ASTN2: variants seen among roughly 807,000 people sequenced by gnomAD.
The protein encoded by ASTN2 is astrotactin 2.
In ASTN2, 54 loss-of-function variants were observed where a neutral mutation model predicts 139.8. The observed-to-expected ratio is 0.39, with a 90% CI of 0.31 to 0.48. The LOEUF (loss-of-function observed/expected upper bound fraction) is 0.48. Among genes scored for constraint, ASTN2 ranks in the 20% least tolerant of loss-of-function variants. The probability of loss-of-function intolerance (pLI) is 0.95; values close to 1 mark genes in which losing one functional copy is unlikely to be tolerated. For missense variants in ASTN2, 1,565 were observed against 1,725.1 expected (o/e 0.91, Z 1.64); for synonymous variants, 756 against 719.5 (o/e 1.05, Z -0.81).
chr9:116,946,668 G>A (rs1470908833), intron 10 of ASTN2, among the ~76,000 whole-genome samples: 10 of 152,032 alleles, frequency 6.6e-5, no homozygotes, highest in Admixed American at 5.2e-4. Flanking sequence ...TGTCTACTCC[G>A]GGAGTGTTTT....
At chr9:116,543,125 C>A (rs1351251786) in intron 19 of ASTN2, among the ~76,000 whole-genome samples, 1 of 151,460 alleles carries the variant, frequency 6.6e-6, no homozygotes, top group Non-Finnish European at 1.5e-5. Flanking sequence ...GTTGTTTTTG[C>A]ATGCATAGAA....
At chr9:117,247,436 G>A (rs1833413546) in intron 2 of ASTN2, among the ~76,000 whole-genome samples, 1 of 152,130 alleles carries the variant, frequency 6.6e-6, no homozygotes, top group African/African-American at 2.4e-5. Context: ...TCTGGGAGTG[G>A]TGTGTCCCCA....
At chr9:116,666,523 T>G (rs1858871850) in intron 16 of ASTN2, among the ~76,000 whole-genome samples, 1 of 152,212 alleles carries the variant, frequency 6.6e-6, no homozygotes. Flanking sequence ...AACTTAGAAT[T>G]ATGATAGACT....
chr9:117,244,203 A>G (rs1223142639), intron 2 of ASTN2, among the ~76,000 whole-genome samples: 1 of 152,152 alleles, frequency 6.6e-6, no homozygotes, highest in Non-Finnish European at 1.5e-5. Flanking sequence ...TTGTGAGTCA[A>G]TTAAAATTCC....
At chr9:117,056,273 A>G (rs184746289) in intron 5 of ASTN2, among the ~76,000 whole-genome samples, 1 of 152,360 alleles carries the variant, frequency 6.6e-6, no homozygotes, top group East Asian at 1.9e-4. Context: ...CTTACACAGC[A>G]ATAGATAACT....
chr9:117,140,580 G>A (rs543787000), intron 4 of ASTN2, among the ~76,000 whole-genome samples: 1 of 151,678 alleles, frequency 6.6e-6, no homozygotes, highest in East Asian at 1.9e-4. Flanking sequence ...AGTAGGAGGA[G>A]ATGAAGATGA....
intron 3 of ASTN2, among the ~76,000 whole-genome samples, chr9:117,145,677 C>G (rs1830178268): frequency 6.6e-6 from 1 of 152,102 alleles, no homozygotes; most frequent in Non-Finnish European, 1.5e-5. Context: ...GTCCTGGTAC[C>G]TTGAAATTCC....
intron 4 of ASTN2, among the ~76,000 whole-genome samples, chr9:117,138,742 T>C (rs922270351): frequency 8.5e-5 from 13 of 152,224 alleles, no homozygotes; most frequent in African/African-American, 2.4e-4. Flanking sequence ...AATAAATTTC[T>C]TCATGCATAG....
At chr9:116,496,555 G>A (rs1849675894) in intron 19 of ASTN2, among the ~76,000 whole-genome samples, 2 of 152,182 alleles carry the variant, frequency 1.3e-5, no homozygotes, top group South Asian at 4.1e-4. Context: ...CTTTTAAGGA[G>A]GGAACAAGAT....
intron 12 of ASTN2, among the ~76,000 whole-genome samples, chr9:116,815,757 A>C (rs912402909): frequency 8.0e-4 from 106 of 132,854 alleles, no homozygotes; most frequent in Middle Eastern, 4.7e-3. Context: ...GTGAGTGGAG[A>C]TCGCCCCACT....
chr9:116,896,955 G>T (rs1833894641), intron 10 of ASTN2, among the ~76,000 whole-genome samples: 1 of 152,158 alleles, frequency 6.6e-6, no homozygotes, highest in Admixed American at 6.5e-5. Flanking sequence ...GCTACCAGGT[G>T]GGCAACAAGA....
chr9:116,779,581 T>G (rs1302558935), intron 13 of ASTN2, among the ~76,000 whole-genome samples: 2 of 152,150 alleles, frequency 1.3e-5, no homozygotes, highest in African/African-American at 4.8e-5. Flanking sequence ...CACCTTTGAG[T>G]TCCCCCGACA....
chr9:116,854,739 C>T (rs1182135829), intron 11 of ASTN2, among the ~76,000 whole-genome samples: 2 of 151,530 alleles, frequency 1.3e-5, no homozygotes, highest in African/African-American at 4.9e-5. Flanking sequence ...GCAAGCTCCG[C>T]CTCCCGGGTT....
chr9:116,790,979 GAAAGA>G (rs1830525220), intron 13 of ASTN2, among the ~76,000 whole-genome samples: 1 of 58,214 alleles, frequency 1.7e-5, no homozygotes, highest in Non-Finnish European at 3.6e-5. Flanking sequence ...AAGAAAGAAA[GAAAGA>G]AAGAAAGAAA....
chr9:116,877,118 T>C (rs1216442451), intron 10 of ASTN2, among the ~76,000 whole-genome samples: 1 of 152,188 alleles, frequency 6.6e-6, no homozygotes, highest in Non-Finnish European at 1.5e-5. Flanking sequence ...GTTTAAGTCT[T>C]AGCCAACGGG....
At chr9:117,024,702 G>A (rs990369131) in intron 6 of ASTN2, among the ~76,000 whole-genome samples, 13 of 152,084 alleles carry the variant, frequency 8.5e-5, no homozygotes, top group African/African-American at 3.1e-4. Context: ...GGTCACACTT[G>A]AGCTGTCACA....
intron 1 of ASTN2, among the ~76,000 whole-genome samples, chr9:117,331,540 T>C (rs1587954742): frequency 6.6e-6 from 1 of 152,174 alleles, no homozygotes; most frequent in East Asian, 1.9e-4. Flanking sequence ...GTCTTGTTCA[T>C]TGACTTATCT....
intron 6 of ASTN2, among the ~76,000 whole-genome samples, chr9:117,011,778 T>G (rs1164774034): frequency 6.6e-6 from 1 of 152,196 alleles, no homozygotes; most frequent in East Asian, 1.9e-4. Context: ...ATTGACATGG[T>G]CAAATTTGCA....
chr9:117,224,707 C>T (rs1310427602), intron 2 of ASTN2, among the ~76,000 whole-genome samples: 4 of 152,210 alleles, frequency 2.6e-5, no homozygotes, highest in Non-Finnish European at 4.4e-5. Context: ...CAGTTAACCA[C>T]GCTGTATCCT....
Sources: allele counts gnomAD v4.1 joint callset (sites outside exome capture counted in the v4.1 genomes callset), GRCh38; gene constraint gnomAD v4.1.1; transcripts MANE v1.5; gene names NCBI Gene and HGNC (gene_info 2026-07-23, HGNC 2026-07-21).